GPLD1: variants seen among roughly 807,000 people sequenced by gnomAD.
The protein encoded by GPLD1 is phosphatidylinositol-glycan-specific phospholipase D.
In GPLD1, 84 loss-of-function variants were observed where a neutral mutation model predicts 112.6. That is an observed-to-expected ratio of 0.75 (90% CI 0.63 to 0.89). The LOEUF (loss-of-function observed/expected upper bound fraction) is 0.89, where lower values mean the gene tolerates loss of function less well. Ranked by LOEUF, GPLD1 falls within the 40% of genes least tolerant of loss-of-function variation. The pLI is 0.00. For synonymous variants in GPLD1, 386 were observed against 403.8 expected, an observed-to-expected ratio of 0.96 and a Z score of 0.53; for missense variants, 1,044 against 1,051.5, an observed-to-expected ratio of 0.99 and a Z score of 0.10.
chr6:24,451,875 A>T (rs1763102660), intron 14 of GPLD1, among the ~76,000 whole-genome samples: 1 of 152,210 alleles, frequency 6.6e-6, no homozygotes, highest in Non-Finnish European at 1.5e-5. Flanking sequence ...CCAATAACTC[A>T]GGGCTCTGCC....
At chr6:24,483,080 C>A (rs1029705113) in intron 2 of GPLD1, among the ~76,000 whole-genome samples, 1 of 152,184 alleles carries the variant, frequency 6.6e-6, no homozygotes, top group Non-Finnish European at 1.5e-5. Flanking sequence ...GTTATCCCAG[C>A]ACTTTGGGAG....
At chr6:24,459,838 TCTTGA>T (rs1417077362) in intron 12 of GPLD1, among the ~76,000 whole-genome samples, 4 of 152,212 alleles carry the variant, frequency 2.6e-5, no homozygotes, top group African/African-American at 4.8e-5. Context: ...CCCAGGGTCA[TCTTGA>T]CTTGACAGAG....
intron 4 of GPLD1, among the ~76,000 whole-genome samples, chr6:24,475,866 A>T (rs1387101931): frequency 2.0e-5 from 2 of 101,800 alleles, no homozygotes; most frequent in East Asian, 4.9e-4. Context: ...TGAAAAACAC[A>T]AAAACAGAAA....
At chr6:24,453,383 C>A (rs1399019496) in intron 14 of GPLD1, among the ~76,000 whole-genome samples, 1 of 152,186 alleles carries the variant, frequency 6.6e-6, no homozygotes, top group Non-Finnish European at 1.5e-5. Flanking sequence ...CGCCTGTAAT[C>A]CCAGCACTTT....
Position 24,449,831 on chromosome 6 carries a change from G to A in GPLD1, c.1404C>T (p.Ala468=), listed in dbSNP as rs149968242. Residue 468 remains alanine, a synonymous_variant, in exon 15 of 25, where the codon GCC becomes GCT. Transcript: ENST00000230036. The part of the protein sequence containing the change: ...DFNVDGVPDL[A]VGAPSVGSEQ... The stretch of plus-strand genomic sequence containing the variant: ...CGGAGCCCACCGAGGGAGCTCCCAC[G>A]GCCAGGTCAGGCACGCCGTCCACGT... 1.8e-4 allele frequency: 296 copies of A among 1,613,772 alleles called. No homozygotes were observed. Among genetic ancestry groups the A allele is most frequent in the African/African-American group, 2.3e-4 (17 of 74,982 alleles).
Position 24,454,134 on chromosome 6 carries a change from T to C in GPLD1, c.1216A>G (p.Ser406Gly). Reference sequence around the variant, plus strand: ...CCGATGTGGATGTGGCCGGGGCGGCTGTAGCCTGGTGCGCCCACCACGAGG... The same window carrying C: ...CCGATGTGGATGTGGCCGGGGCGGCCGTAGCCTGGTGCGCCCACCACGAGG... ...GDLVVGAPGY[S>G]RPGHIHIGRV... The change falls in exon 14 of 25, where the codon AGC becomes GGC. Residue 406 changes from serine (S) to glycine (G), a missense_variant. Ser to Gly is a moderately conservative substitution (Grantham distance 56). Coordinates refer to ENST00000230036, the MANE Select transcript of GPLD1 (RefSeq NM_001503.4). 6.2e-7 allele frequency: 1 copy of C among 1,614,008 alleles called. No individual in the cohort carries two copies. Among genetic ancestry groups the C allele is most frequent in the Non-Finnish European group, 8.5e-7 (1 of 1,179,944 alleles).
At chr6:24,476,096 G>C in intron 4 of GPLD1, 85 bp downstream of exon 4, 1 of 738,534 alleles carries the variant, frequency 1.4e-6, no homozygotes, top group Non-Finnish European at 2.4e-6. Context: ...TTACAGAGCG[G>C]TACAAATGGG....
At chr6:24,438,049 C>T (rs115701792) in intron 20 of GPLD1, among the ~76,000 whole-genome samples, 75 of 152,290 alleles carry the variant, frequency 4.9e-4, no homozygotes, top group African/African-American at 7.7e-4. Context: ...TGTGTCCTGA[C>T]CCCAGGACCT....
rs59607870 is a variant in GPLD1, at chr6:24,453,699, C to CGTGTGTGTGTGT, written c.1335+304_1335+315dup. Reference sequence around the variant, plus strand: ...CAAAGTTTTATAAATACATACATTTCGTGTGTGTGTGTGTGTGTGTGTGTA... The same window carrying CGTGTGTGTGTGT: ...CAAAGTTTTATAAATACATACATTTCGTGTGTGTGTGTGTGTGTGTGTGTGTGTGTGTGTGTA... On this transcript the variant is annotated intron_variant, in intron 14 of 24. Coordinates refer to ENST00000230036, the MANE Select transcript of GPLD1 (RefSeq NM_001503.4). 1.3e-3 allele frequency among the ~76,000 whole-genome samples: 199 copies of CGTGTGTGTGTGT among 150,512 alleles called. 1 individual carries two copies. Among genetic ancestry groups the CGTGTGTGTGTGT allele is most frequent in the South Asian group, 6.6e-3 (31 of 4,710 alleles).
chr6:24,493,720 G>A (rs1764615850), upstream of GPLD1, among the ~76,000 whole-genome samples: 1 of 152,102 alleles, frequency 6.6e-6, no homozygotes, highest in Non-Finnish European at 1.5e-5. Flanking sequence ...TATGTGACTG[G>A]CTCAAAACTC....
intron 22 of GPLD1, among the ~76,000 whole-genome samples, chr6:24,434,076 T>A (rs980302438): frequency 6.6e-6 from 1 of 151,888 alleles, no homozygotes; most frequent in African/African-American, 2.4e-5. Context: ...TAAGAAAATG[T>A]TCTCGGTATA....
intron 22 of GPLD1, among the ~76,000 whole-genome samples, chr6:24,434,980 AT>A (rs1320175628): frequency 6.1e-5 from 9 of 147,466 alleles, no homozygotes; most frequent in Non-Finnish European, 1.0e-4. Context: ...GAGATCTTTA[AT>A]TTTTTTAATC....
chr6:24,482,869 T>C (rs1370495749), intron 2 of GPLD1, among the ~76,000 whole-genome samples: 5 of 151,796 alleles, frequency 3.3e-5, no homozygotes, highest in Admixed American at 2.0e-4. Flanking sequence ...CAATTGAGTA[T>C]AGGAGGTTGA....
At chr6:24,476,740 A>G (rs1482553224) in intron 3 of GPLD1, among the ~76,000 whole-genome samples, 1 of 152,206 alleles carries the variant, frequency 6.6e-6, no homozygotes, top group East Asian at 1.9e-4. Flanking sequence ...ATTTGATTTT[A>G]TAATAATTAT....
chr6:24,435,765 C>T (rs149897353), intron 22 of GPLD1: 3,417 of 132,490 alleles, frequency 0.026, 47 homozygotes, highest in Middle Eastern at 0.071. Flanking sequence ...GAGGAGGTTG[C>T]AGTGAGCCGA....
In GPLD1 at chr6:24,448,186, C is replaced by T; in HGVS notation, c.1469G>A (p.Gly490Asp). 6.2e-7 allele frequency: 1 copy of T among 1,608,248 alleles called. No individual in the cohort carries two copies. Among genetic ancestry groups the T allele is most frequent in the Non-Finnish European group, 8.5e-7 (1 of 1,178,126 alleles). ...TYKGAVYVYF[G>D]SKQGGMSSSP... Reference sequence around the variant, plus strand: ...AGAAGACATTCCTCCTTGTTTGGAACCAAAGTAGACATACACGGCACCCTA... The same window carrying T: ...AGAAGACATTCCTCCTTGTTTGGAATCAAAGTAGACATACACGGCACCCTA... Residue 490 changes from glycine to aspartate, a missense_variant, in exon 16 of 25, where the codon GGT (glycine) becomes GAT (aspartate). Coordinates refer to ENST00000230036, the MANE Select transcript of GPLD1 (RefSeq NM_001503.4).
chr6:24,492,400 GGAGGCT>G (rs1764579339), upstream of GPLD1, among the ~76,000 whole-genome samples: 1 of 151,588 alleles, frequency 6.6e-6, no homozygotes, highest in South Asian at 2.1e-4. Context: ...CAGCTACTCT[GGAGGCT>G]GAGGCAGGAG....
intron 1 of GPLD1, 85 bp downstream of exon 1, chr6:24,489,330 C>A: frequency 9.8e-7 from 1 of 1,015,702 alleles, no homozygotes; most frequent in South Asian, 1.4e-5. Flanking sequence ...TGTATCAATC[C>A]ACGAGCGGGA....
rs549427356 is a variant in GPLD1, at chr6:24,445,780, C to T, written c.1872G>A (p.Val624=). The change falls in exon 19 of 25, where the codon GTG becomes GTA. Residue 624 remains valine (V), a synonymous_variant. Transcript: ENST00000230036. Reference sequence around the variant, plus strand: ...GGCCGTTTGGTGGGAAGTAGCCATACACCCTCCCAAGGCTCTTTTTCTCAT... The same window carrying T: ...GGCCGTTTGGTGGGAAGTAGCCATATACCCTCCCAAGGCTCTTTTTCTCAT... ...IRDEKKSLGR[V]YGYFPPNGQS... is the part of the protein sequence containing the mutation. The T allele has an allele frequency of 3.7e-6, 6 of 1,613,926 alleles. No homozygotes were observed. The Admixed American group carries it at 5.0e-5, about 13-fold the overall frequency.
Sources: gnomAD v4.1 joint callset for allele counts (sites outside exome capture counted in the v4.1 genomes callset) on GRCh38, gnomAD v4.1.1 for gene constraint, MANE v1.5 for transcripts, NCBI Gene and HGNC (gene_info 2026-07-23, HGNC 2026-07-21) for gene names.